The following CDK2 variants were observed in gnomAD, a reference collection of about 807,000 sequenced individuals.
CDK2 encodes cyclin-dependent kinase 2.
CDK2 carries 8 observed loss-of-function variants against 35.0 expected under a neutral mutation model. The ratio of observed to expected loss-of-function variants is 0.23; its 90% confidence interval spans 0.13 to 0.41. The LOEUF is 0.41. Ranked by LOEUF, CDK2 falls within the 10% of genes least tolerant of loss-of-function variation. The pLI is 1.00. For synonymous variants in CDK2, 134 were observed against 137.7 expected (o/e 0.97, Z 0.19); for missense variants, 201 against 367.1 (o/e 0.55, Z 3.70).
chr12:55,972,181 T>G lies in CDK2; in HGVS notation c.*556T>G, dbSNP rs1202714321. ...TGCCTCACCTAATAGGCTGGGAGAC[T>G]GAAGACTCAGCCCGGGTGGGGCTGC... On this transcript the variant is annotated 3_prime_UTR_variant, in exon 7 of 7. Transcript: ENST00000266970. 6.6e-6 allele frequency: 1 copy of G among 152,480 alleles called. No homozygotes were observed. The highest frequency in any genetic ancestry group is 1.5e-5 in the Non-Finnish European group (1 of 68,282). The allele number at this position is 152,480 out of a possible 1,614,324, so 9.4% of individuals were successfully genotyped here.
intron 1 of CDK2, 37 bp downstream of exon 1, chr12:55,967,161 A>G (rs1889341361): frequency 1.3e-6 from 2 of 1,489,576 alleles, no homozygotes; most frequent in East Asian, 4.6e-5. Context: ...CTAACTGGGG[A>G]CCTCCTTGAT....
At position 55,968,107 on chromosome 12, in the gene CDK2, C is replaced by G. The variant is rs747703071; in HGVS notation, c.253C>G (p.Gln85Glu). Residue 85 changes from glutamine (Q) to glutamate (E), a missense_variant, in exon 3 of 7, where the codon CAA becomes GAA. Transcript: ENST00000266970. Reference sequence around the variant, plus strand: ...CTACCTGGTTTTTGAATTTCTGCACCAAGATCTCAAGAAATTCATGGATGC... The same window carrying G: ...CTACCTGGTTTTTGAATTTCTGCACGAAGATCTCAAGAAATTCATGGATGC... Reference protein sequence around the residue: ...KLYLVFEFLHQDLKKFMDASA... With the variant: ...KLYLVFEFLHEDLKKFMDASA... 1 of 1,613,870 alleles carries G rather than the reference C, an allele frequency of 6.2e-7. No homozygotes were observed. Among genetic ancestry groups the G allele is most frequent in the East Asian group, 2.2e-5 (1 of 44,886 alleles).
chr12:55,968,012 T>A (rs774473582), intron 2 of CDK2, 37 bp from the exon 3 acceptor site: 56 of 1,613,804 alleles, frequency 3.5e-5, no homozygotes, highest in African/African-American at 6.7e-5. Flanking sequence ...TTTCTCTCTC[T>A]CACACACCTC....
At chr12:55,968,626 T>C in intron 3 of CDK2, 152 bp from the exon 4 acceptor site, 5 of 604,242 alleles carry the variant, frequency 8.3e-6, no homozygotes, top group Non-Finnish European at 1.1e-5. Flanking sequence ...CCTTATCCTC[T>C]CTGGGCTGAC....
chr12:55,967,237 C>T (rs1292539956), intron 1 of CDK2, 113 bp downstream of exon 1: 1 of 750,794 alleles, frequency 1.3e-6, no homozygotes, highest in African/African-American at 1.7e-5. Flanking sequence ...GGAGGGACTT[C>T]TTTAGAAGTG....
At chr12:55,969,032 T>C in intron 4 of CDK2, 84 bp downstream of exon 4, 3 of 1,042,612 alleles carry the variant, frequency 2.9e-6, no homozygotes, top group Non-Finnish European at 4.2e-6. Context: ...AATATCTGGC[T>C]AACAGTTTCT....
intron 6 of CDK2, 99 bp from the exon 7 acceptor site, chr12:55,971,422 T>C (rs1889471217): frequency 1.8e-6 from 2 of 1,130,242 alleles, no homozygotes; most frequent in East Asian, 4.7e-5. Context: ...AATTCTGCCT[T>C]GGGTAGAAGG....
intron 1 of CDK2, chr12:55,967,548 T>C: frequency 2.1e-6 from 1 of 470,306 alleles, no homozygotes; most frequent in Non-Finnish European, 3.9e-6. Context: ...CAGTTGAACC[T>C]CACTGGCCCC....
chr12:55,970,524 C>G, intron 5 of CDK2: 1 of 668,144 alleles, frequency 1.5e-6, no homozygotes, highest in South Asian at 1.6e-5. Flanking sequence ...ATGTAATGTG[C>G]ATTTATCCCC....
At chr12:55,967,365 C>T in intron 1 of CDK2, 1 of 533,890 alleles carries the variant, frequency 1.9e-6, no homozygotes, top group Non-Finnish European at 3.4e-6. Flanking sequence ...GGATCGTGCC[C>T]CCAAATGTGC....
Position 55,969,547 on chromosome 12 carries a change from T to C in CDK2, c.559T>C (p.Trp187Arg). The C allele has an allele frequency of 6.2e-7, 1 of 1,609,366 alleles. No individual in the cohort carries two copies. Among genetic ancestry groups the C allele is most frequent in the Non-Finnish European group, 8.5e-7 (1 of 1,177,582 alleles). The change falls in exon 5 of 7, where the codon TGG becomes CGG. Residue 187 changes from tryptophan (W) to arginine (R), a missense_variant. By Grantham distance (101) the Trp-to-Arg change is moderately radical. Around this residue, in one of 5 missense-constraint regions of CDK2, gnomAD observed 5 missense variants for 39.5 expected, o/e 0.13. Transcript: ENST00000266970. ...CKYYSTAVDI[W>R]SLGCIFAEMV... ...ATATTATTCCACAGCTGTGGACATC[T>C]GGAGCCTGGGCTGCATCTTTGCTGA...
At chr12:55,967,298 TG>T in intron 1 of CDK2, 174 bp downstream of exon 1, 1 of 610,128 alleles carries the variant, frequency 1.6e-6, no homozygotes, top group Non-Finnish European at 2.9e-6. Flanking sequence ...TTATACTCCC[TG>T]GGGAGAGTAT....
chr12:55,968,737 C>T (rs1889401702), intron 3 of CDK2, 41 bp from the exon 4 acceptor site: 1 of 1,525,510 alleles, frequency 6.6e-7, no homozygotes, highest in Non-Finnish European at 8.8e-7. Context: ...AGTCTGCTCA[C>T]TGTAATGGAG....
In CDK2 at chr12:55,966,943, T is replaced by G; in HGVS notation, c.-66T>G. 2 of 1,300,814 alleles carry G rather than the reference T, an allele frequency of 1.5e-6. No individual in the cohort carries two copies. Among genetic ancestry groups the G allele is most frequent in the South Asian group, 1.3e-5 (1 of 79,412 alleles). 80.6% of individuals were successfully genotyped at this position (1,300,814 alleles called of 1,614,324 possible). ...CCTCCTCGGCCCCCGAGAGCCAGGG[T>G]CCGCCTTCTGCAGGGTTCCCAGGCC... On this transcript the variant is annotated 5_prime_UTR_variant, in exon 1 of 7. Coordinates refer to ENST00000266970, the MANE Select transcript of CDK2 (RefSeq NM_001798.5).
Position 55,966,987 on chromosome 12 carries a change from T to A in CDK2, c.-22T>A. The A allele has an allele frequency of 6.3e-7, 1 of 1,586,358 alleles. No individual in the cohort carries two copies. The highest frequency in any genetic ancestry group is 8.6e-7 in the Non-Finnish European group (1 of 1,160,710). On this transcript the variant is annotated 5_prime_UTR_variant, in exon 1 of 7. Transcript: ENST00000266970. Reference sequence around the variant, plus strand: ...CCAGGCCCCCGCTCCAGGGCCGGGCTGACCCGACTCGCTGGCGCTTCATGG... The same window carrying A: ...CCAGGCCCCCGCTCCAGGGCCGGGCAGACCCGACTCGCTGGCGCTTCATGG...
At chr12:55,971,496 A>G (rs369152141) in intron 6 of CDK2, 25 bp from the exon 7 acceptor site, 221 of 1,549,202 alleles carry the variant, frequency 1.4e-4, no homozygotes, top group Middle Eastern at 5.0e-4. Flanking sequence ...ACATCATTGA[A>G]GTCAACATGC....
In CDK2 at chr12:55,967,780, G is replaced by T. The variant is rs1427107356; in HGVS notation, c.117-77G>T. 3.2e-6 allele frequency: 4 copies of T among 1,263,652 alleles called. No homozygotes were observed. The East Asian group carries it at 9.3e-5, about 29-fold the overall frequency. The allele number at this position is 1,263,652 out of a possible 1,614,324, so 78.3% of individuals were successfully genotyped here. On this transcript the variant is annotated intron_variant, in intron 1 of 6. Coordinates refer to ENST00000266970, the MANE Select transcript of CDK2 (RefSeq NM_001798.5). ...GGGTGCTGGGTGGTGTCTCCTTGGG[G>T]GAAAGAAATGACTAGGTGGGGGGGA... is the stretch of plus-strand genomic sequence containing the variant.
chr12:55,969,568 G>C lies in CDK2; in HGVS notation c.580G>C (p.Ala194Pro). 6.2e-7 allele frequency: 1 copy of C among 1,600,486 alleles called. No homozygotes were observed. Among genetic ancestry groups the C allele is most frequent in the Non-Finnish European group, 8.5e-7 (1 of 1,171,152 alleles). The change falls in exon 5 of 7, where the codon GCT becomes CCT. Residue 194 changes from alanine (A) to proline (P), a missense_variant. Coordinates refer to ENST00000266970, the MANE Select transcript of CDK2 (RefSeq NM_001798.5). ...CATCTGGAGCCTGGGCTGCATCTTT[G>C]CTGAGATGGTATGGAGGCTTGCCCA... ...VDIWSLGCIF[A>P]EMVTRRALFP... is the part of the protein sequence containing the mutation.
At chr12:55,967,805 A>G (rs1889370533) in intron 1 of CDK2, 52 bp from the exon 2 acceptor site, 21 of 1,458,502 alleles carry the variant, frequency 1.4e-5, no homozygotes, top group Non-Finnish European at 1.9e-5. Context: ...GGTGGGGGGG[A>G]AAGGAATATT....
Sources: gnomAD v4.1 joint callset for allele counts on GRCh38, gnomAD v4.1.1 for gene constraint, gnomAD v4.1.1 regional missense constraint, MANE v1.5 for transcripts, NCBI Gene and HGNC (gene_info 2026-07-23, HGNC 2026-07-21) for gene names.